The following TGFBI variants were observed in gnomAD, a reference collection of about 807,000 sequenced individuals.
TGFBI encodes the protein transforming growth factor beta induced.
Under a neutral mutation model 73.7 loss-of-function variants are expected in TGFBI, and 50 were observed. That is an observed-to-expected ratio of 0.68 (90% CI 0.54 to 0.86). The LOEUF (loss-of-function observed/expected upper bound fraction) is 0.86. TGFBI is among the 40% of genes least tolerant of loss of function. The probability of loss-of-function intolerance (pLI) is 0.00; values close to 1 mark genes in which losing one functional copy is unlikely to be tolerated. For synonymous variants in TGFBI, 362 were observed against 360.5 expected (o/e 1.00, Z -0.05); for missense variants, 839 against 877.0 (o/e 0.96, Z 0.55).
At position 136,063,485 on chromosome 5, in the gene TGFBI, G is replaced by A; in HGVS notation, c.*259G>A. The A allele has an allele frequency of 2.1e-6, 1 of 476,126 alleles. No homozygotes were observed. The highest frequency in any genetic ancestry group is 3.8e-6 in the Non-Finnish European group (1 of 263,906). 29.5% of individuals were successfully genotyped at this position (476,126 alleles called of 1,614,324 possible). ...TGTCACTGCCTGACATTCACTTCCA[G>A]AGAGGACCTATCCCAAATGTGGAAT... On this transcript the variant is annotated 3_prime_UTR_variant, in exon 17 of 17. Transcript: ENST00000442011.
At chr5:136,047,176 T>G in intron 5 of TGFBI, 98 bp from the exon 6 acceptor site, 1 of 1,557,464 alleles carries the variant, frequency 6.4e-7, no homozygotes, top group Non-Finnish European at 8.7e-7. Context: ...GAACCCACAT[T>G]TTGCTACTGT....
intron 4 of TGFBI, 65 bp from the exon 5 acceptor site, chr5:136,046,776 TCCCAGAGTTG>T: frequency 6.6e-7 from 1 of 1,518,336 alleles, no homozygotes. Context: ...AGAACATGTT[TCCCAGAGTTG>T]CAAGGACCCA....
intron 2 of TGFBI, among the ~76,000 whole-genome samples, chr5:136,038,521 C>A (rs2126904895): frequency 6.6e-6 from 1 of 151,918 alleles, no homozygotes; most frequent in Admixed American, 6.6e-5. Context: ...TGGAGACCAG[C>A]CTGACCAACA....
At chr5:136,040,071 C>T (rs561914144) in intron 2 of TGFBI, among the ~76,000 whole-genome samples, 23 of 152,278 alleles carry the variant, frequency 1.5e-4, no homozygotes, top group Admixed American at 2.6e-4. Flanking sequence ...CCAGAGCAGC[C>T]GGCCAAATCC....
intron 12 of TGFBI, among the ~76,000 whole-genome samples, chr5:136,057,101 G>C (rs772902479): frequency 6.6e-6 from 1 of 152,090 alleles, no homozygotes; most frequent in Non-Finnish European, 1.5e-5. Flanking sequence ...GCCAGCCACT[G>C]TCAGAACCAT....
chr5:136,031,310 C>G (rs1452273417), intron 1 of TGFBI, among the ~76,000 whole-genome samples: 2 of 152,252 alleles, frequency 1.3e-5, no homozygotes, highest in African/African-American at 2.4e-5. Context: ...TAACGTTGTT[C>G]TAGCTCCAGC....
At chr5:136,061,343 G>A in intron 14 of TGFBI, 157 bp from the exon 15 acceptor site, 3 of 652,316 alleles carry the variant, frequency 4.6e-6, no homozygotes, top group Non-Finnish European at 8.2e-6. Context: ...CTCTCCCCAT[G>A]GGCCAAGTTC....
chr5:136,039,205 A>G (rs1317559153), intron 2 of TGFBI, among the ~76,000 whole-genome samples: 4 of 152,234 alleles, frequency 2.6e-5, no homozygotes, highest in Non-Finnish European at 5.9e-5. Flanking sequence ...AGTGCTTCTC[A>G]TATGTAAGTT....
intron 2 of TGFBI, among the ~76,000 whole-genome samples, chr5:136,034,485 G>A (rs1191883123): frequency 6.6e-6 from 1 of 151,976 alleles, no homozygotes; most frequent in Non-Finnish European, 1.5e-5. Context: ...ATGTACATAA[G>A]AGACTGAATA....
Position 136,053,942 on chromosome 5 carries a change from G to C in TGFBI, c.1127-1G>C, listed in dbSNP as rs1751581733. On this transcript the variant is annotated splice_acceptor_variant, in intron 8 of 16. Coordinates refer to ENST00000442011, the MANE Select transcript of TGFBI (RefSeq NM_000358.3). LOFTEE classifies it high-confidence loss of function. ...TGAACCCACTTTCTCCTTCCTTGTA[G>C]CCAAGACACTATTTGAATTGGCTGC... The C allele has an allele frequency of 6.2e-7, 1 of 1,613,714 alleles. No homozygotes were observed. The highest frequency in any genetic ancestry group is 8.5e-7 in the Non-Finnish European group (1 of 1,179,754).
intron 7 of TGFBI, among the ~76,000 whole-genome samples, chr5:136,050,432 A>T (rs1356011813): frequency 6.6e-6 from 1 of 151,998 alleles, no homozygotes; most frequent in Non-Finnish European, 1.5e-5. Flanking sequence ...TAGGCAGTGC[A>T]TTGATTATTG....
At chr5:136,054,135 C>T in intron 9 of TGFBI, 55 bp downstream of exon 9, 2 of 1,588,502 alleles carry the variant, frequency 1.3e-6, no homozygotes, top group Non-Finnish European at 1.7e-6. Flanking sequence ...CTTCCCCACC[C>T]CTGTCACCTC....
rs140308998 is a variant in TGFBI at position 136,055,659 on chromosome 5, C to T, written c.1411-21C>T. On this transcript the variant is annotated intron_variant, in intron 10 of 16. Coordinates refer to ENST00000442011, the MANE Select transcript of TGFBI (RefSeq NM_000358.3). ...TGGAAGTATAACCAGTCCTTTCTTTCTCTGTCCCTCTTCTGTGCAGAGCCT... is the reference window on the plus strand; with the variant it reads ...TGGAAGTATAACCAGTCCTTTCTTTTTCTGTCCCTCTTCTGTGCAGAGCCT... 5.1e-3 allele frequency: 7,997 copies of T among 1,562,620 alleles called. 32 individuals carry two copies. The highest frequency in any genetic ancestry group is 5.8e-3 in the Non-Finnish European group (6,687 of 1,145,198).
chr5:136,058,065 T>C (rs3792900), intron 12 of TGFBI, among the ~76,000 whole-genome samples: 87,267 of 151,752 alleles, frequency 0.58, 27,224 homozygotes, highest in African/African-American at 0.83. Flanking sequence ...TTGGTACAGG[T>C]GTTAGAGATA....
At chr5:136,061,306 A>G in intron 14 of TGFBI, 194 bp from the exon 15 acceptor site, 1 of 613,088 alleles carries the variant, frequency 1.6e-6, no homozygotes, top group South Asian at 1.9e-5. Flanking sequence ...GCCTCTCCTC[A>G]TGTGTGCATT....
chr5:136,061,230 A>C (rs1339898103), intron 14 of TGFBI: 1 of 574,158 alleles, frequency 1.7e-6, no homozygotes, highest in Non-Finnish European at 3.1e-6. Context: ...GATTCCCAGC[A>C]CTCCTCTTAC....
intron 3 of TGFBI, 150 bp downstream of exon 3, chr5:136,044,272 C>T (rs973833941): frequency 4.3e-6 from 3 of 698,864 alleles, no homozygotes; most frequent in Admixed American, 2.6e-5. Context: ...GCCCCAGGCT[C>T]TATGCGAGGG....
At chr5:136,061,330 G>T in intron 14 of TGFBI, 170 bp from the exon 15 acceptor site, 1 of 630,886 alleles carries the variant, frequency 1.6e-6, no homozygotes, top group East Asian at 2.8e-5. Context: ...CTTTCTTGGT[G>T]CTCTCTCCCC....
chr5:136,047,122 CT>C, intron 5 of TGFBI, 107 bp downstream of exon 5: 1 of 1,528,224 alleles, frequency 6.5e-7, no homozygotes, highest in South Asian at 1.2e-5. Flanking sequence ...AACCCACCCT[CT>C]TTGTGCCTGC....
Sources: gnomAD v4.1 joint callset for allele counts (sites outside exome capture counted in the v4.1 genomes callset) on GRCh38, gnomAD v4.1.1 for gene constraint, MANE v1.5 for transcripts, NCBI Gene and HGNC (gene_info 2026-07-23, HGNC 2026-07-21) for gene names.